The following HGF variants were observed in gnomAD, a reference collection of about 807,000 sequenced individuals.
HGF encodes the protein fibroblast-derived tumor cytotoxic factor.
A neutral mutation model predicts 111.6 loss-of-function variants in HGF; 39 were observed. The observed-to-expected ratio is 0.35, with a 90% CI of 0.27 to 0.46. The LOEUF is 0.46. Among genes scored for constraint, HGF ranks in the 20% least tolerant of loss-of-function variants. The probability of loss-of-function intolerance (pLI) is 1.00; values close to 1 mark genes in which losing one functional copy is unlikely to be tolerated. For missense variants in HGF, 735 were observed against 910.5 expected, an observed-to-expected ratio of 0.81 and a Z score of 2.48; for synonymous variants, 285 against 294.8, an observed-to-expected ratio of 0.97 and a Z score of 0.34.
rs968111789 is a variant in HGF, at chr7:81,699,031, A to T, written c.*3550T>A. ...AGCATTTTGATAAAATATTTTATTA[A>T]TAATAATAATATAATCATGGTTATA... On this transcript the variant is annotated 3_prime_UTR_variant, in exon 18 of 18. Coordinates refer to ENST00000222390, the MANE Select transcript of HGF (RefSeq NM_000601.6). The T allele has an allele frequency of 6.6e-6, 1 of 151,336 alleles. No individual in the cohort carries two copies. The highest frequency in any genetic ancestry group is 1.5e-5 in the Non-Finnish European group (1 of 67,570). The allele number at this position is 151,336 out of a possible 1,614,324, so 9.4% of individuals were successfully genotyped here.
chr7:81,702,857 A>G (rs1789319910), intron 17 of HGF, 100 bp from the exon 18 acceptor site: 3 of 955,216 alleles, frequency 3.1e-6, no homozygotes, highest in Non-Finnish European at 4.9e-6. Flanking sequence ...TATATACAGA[A>G]AAAGAGAATA....
At chr7:81,763,832 T>G (rs1413174420) in intron 1 of HGF, among the ~76,000 whole-genome samples, 1 of 152,104 alleles carries the variant, frequency 6.6e-6, no homozygotes, top group Non-Finnish European at 1.5e-5. Context: ...CCAAAGGCAG[T>G]AAGGATACAT....
At chr7:81,744,248 C>CT (rs5745669) in intron 6 of HGF, among the ~76,000 whole-genome samples, 3 of 150,496 alleles carry the variant, frequency 2.0e-5, no homozygotes, top group East Asian at 3.9e-4. Flanking sequence ...GAACTTCTTC[C>CT]TTTTTTTTCC....
chr7:81,711,501 G>A lies in HGF; in HGVS notation c.1424C>T (p.Pro475Leu). 6.9e-7 allele frequency: 1 copy of A among 1,450,308 alleles called. No homozygotes were observed. Among genetic ancestry groups the A allele is most frequent in the Non-Finnish European group, 9.6e-7 (1 of 1,041,578 alleles). The allele number at this position is 1,450,308 out of a possible 1,614,324, so 89.8% of individuals were successfully genotyped here. Residue 475 changes from proline to leucine, a missense_variant, in exon 12 of 18, where the codon CCT (proline) becomes CTT (leucine). By Grantham distance (98) the Pro-to-Leu change is moderately conservative. Transcript: ENST00000222390. ...CTTACGGTCTAAATTGACTATTGTA[G>A]GTGTGGTATCACCTTCACCTGTAAA... ...PISRCEGDTTPTIVNLDHPVI... is the reference protein window; with the variant it reads ...PISRCEGDTTLTIVNLDHPVI...
Position 81,706,359 on chromosome 7 carries a change from T to C in HGF, c.1685A>G (p.Lys562Arg), listed in dbSNP as rs559990458. Reference sequence around the variant, plus strand: ...CAGCTGGGAAACATTGAGAACCTGTTTGCATTTCTCATCTCCTCTTCCGTG... The same window carrying C: ...CAGCTGGGAAACATTGAGAACCTGTCTGCATTTCTCATCTCCTCTTCCGTG... ...DVHGRGDEKC[K>R]QVLNVSQLVY... Residue 562 changes from lysine (K) to arginine (R), a missense_variant, in exon 15 of 18, where the codon AAA becomes AGA. Transcript: ENST00000222390. 3 of 1,610,580 alleles carry C rather than the reference T, an allele frequency of 1.9e-6. No individual in the cohort carries two copies. The highest frequency in any genetic ancestry group is 1.3e-5 in the African/African-American group (1 of 74,934).
Position 81,706,328 on chromosome 7 carries a change from A to G in HGF, c.1716T>C (p.Tyr572=), listed in dbSNP as rs1225993562. 3 of 1,612,734 alleles carry G rather than the reference A, an allele frequency of 1.9e-6. No homozygotes were observed. Among genetic ancestry groups the G allele is most frequent in the Non-Finnish European group, 2.5e-6 (3 of 1,179,136 alleles). The change falls in exon 15 of 18, where the codon TAT becomes TAC. Residue 572 remains tyrosine, a synonymous_variant. Transcript: ENST00000222390. The stretch of plus-strand genomic sequence containing the variant: ...AAACCAGATCTGATCCTTCAGGGCC[A>G]TATACCAGCTGGGAAACATTGAGAA... The part of the protein sequence containing the change: ...KQVLNVSQLV[Y]GPEGSDLVLM...
In HGF at chr7:81,702,489, T is replaced by G. The variant is rs1171721010; in HGVS notation, c.*92A>C. On this transcript the variant is annotated 3_prime_UTR_variant, in exon 18 of 18. Coordinates refer to ENST00000222390, the MANE Select transcript of HGF (RefSeq NM_000601.6). Reference sequence around the variant, plus strand: ...GACTCTCCAGTAGTTGTCTTAGGATTGTTGTAAGTGACATTTTAAATTCCA... The same window carrying G: ...GACTCTCCAGTAGTTGTCTTAGGATGGTTGTAAGTGACATTTTAAATTCCA... The G allele has an allele frequency of 5.9e-6, 6 of 1,024,498 alleles. No homozygotes were observed. Among genetic ancestry groups the G allele is most frequent in the Non-Finnish European group, 9.2e-6 (6 of 654,474 alleles). The allele number at this position is 1,024,498 out of a possible 1,614,324, so 63.5% of individuals were successfully genotyped here. A position where few individuals can be genotyped will look rare whatever the true frequency, so the allele number is the denominator to read the frequency against.
At position 81,743,203 on chromosome 7, in the gene HGF, G is replaced by A. The variant is rs117536010; in HGVS notation, c.865+150C>T. ...AGTCTCCAAAAATGCAAAAGATTGG[G>A]TAGGATTATGTAACACATTCTTAAA... On this transcript the variant is annotated intron_variant, in intron 7 of 17. Coordinates refer to ENST00000222390, the MANE Select transcript of HGF (RefSeq NM_000601.6). 1,082 of 722,392 alleles carry A rather than the reference G, an allele frequency of 1.5e-3. 2 individuals are homozygous for A. Among genetic ancestry groups the A allele is most frequent in the Non-Finnish European group, 2.3e-3 (909 of 399,254 alleles). 44.7% of individuals were successfully genotyped at this position (722,392 alleles called of 1,614,324 possible).
Position 81,706,434 on chromosome 7 carries a change from T to G in HGF, c.1617-7A>C. ...TTCATAATCTTTCAAGTCTCTGTTT[T>G]GAAGGAAAAAAATTTAAATGTAAAA... On this transcript the variant is annotated splice_region_variant and splice_polypyrimidine_tract_variant and intron_variant, in intron 14 of 17. Coordinates refer to ENST00000222390, the MANE Select transcript of HGF (RefSeq NM_000601.6). The G allele has an allele frequency of 6.2e-7, 1 of 1,608,096 alleles. No homozygotes were observed. Among genetic ancestry groups the G allele is most frequent in the Non-Finnish European group, 8.5e-7 (1 of 1,174,966 alleles).
chr7:81,705,302 T>C (rs2115757542), intron 17 of HGF, 88 bp downstream of exon 17: 1 of 1,331,464 alleles, frequency 7.5e-7, no homozygotes, highest in East Asian at 2.3e-5. Flanking sequence ...TACAATATTT[T>C]TGATTTGAGA....
At chr7:81,718,998 A>G (rs1789785366) in intron 10 of HGF, among the ~76,000 whole-genome samples, 1 of 152,168 alleles carries the variant, frequency 6.6e-6, no homozygotes, top group Admixed American at 6.6e-5. Flanking sequence ...CTCAGGATAA[A>G]ATTTAGATTT....
chr7:81,735,389 T>C (rs1787792974), intron 7 of HGF, among the ~76,000 whole-genome samples: 1 of 152,056 alleles, frequency 6.6e-6, no homozygotes, highest in Non-Finnish European at 1.5e-5. Context: ...ATTTTTCCCT[T>C]GAAAAAGGGT....
chr7:81,745,754 A>T (rs1269238855), intron 5 of HGF, among the ~76,000 whole-genome samples: 3 of 152,248 alleles, frequency 2.0e-5, no homozygotes, highest in Non-Finnish European at 4.4e-5. Flanking sequence ...AGGATAGAAG[A>T]TGACCTGCTA....
chr7:81,713,259 G>A (rs547539688), intron 11 of HGF, among the ~76,000 whole-genome samples: 2 of 151,960 alleles, frequency 1.3e-5, no homozygotes, highest in Non-Finnish European at 1.5e-5. Flanking sequence ...GTGGTGGCTC[G>A]TGCCTGCCTG....
At chr7:81,738,313 TCAGAATATGAAGTTATAATCAGAG>T (rs1474391833) in intron 7 of HGF, among the ~76,000 whole-genome samples, 3 of 152,122 alleles carry the variant, frequency 2.0e-5, no homozygotes, top group Non-Finnish European at 4.4e-5. Context: ...CAACTGTTAT[TCAGAATATGAAGTTATAATCAGAG>T]AAAAACATAA....
chr7:81,752,608 G>A (rs1444458269), intron 4 of HGF, among the ~76,000 whole-genome samples: 1 of 152,098 alleles, frequency 6.6e-6, no homozygotes, highest in Admixed American at 6.6e-5. Context: ...ACTTAGGACA[G>A]AACTGAGAAA....
intron 9 of HGF, among the ~76,000 whole-genome samples, chr7:81,721,603 C>G (rs1467941263): frequency 6.6e-6 from 1 of 152,174 alleles, no homozygotes; most frequent in Non-Finnish European, 1.5e-5. Flanking sequence ...CCCAAGTCAG[C>G]TGTTTTACAA....
chr7:81,751,332 A>G (rs1788487707), intron 5 of HGF: 1 of 984,954 alleles, frequency 1.0e-6, no homozygotes, highest in Non-Finnish European at 1.2e-6. Context: ...GAACTGAAAA[A>G]TCCGGCTATT....
intron 1 of HGF, among the ~76,000 whole-genome samples, chr7:81,763,606 A>G (rs1789209474): frequency 6.6e-6 from 1 of 152,180 alleles, no homozygotes; most frequent in Admixed American, 6.5e-5. Context: ...GAAAAACAGA[A>G]CTAAAACATT....
Sources: gnomAD v4.1 joint callset for allele counts (sites outside exome capture counted in the v4.1 genomes callset) on GRCh38, gnomAD v4.1.1 for gene constraint, MANE v1.5 for transcripts, NCBI Gene and HGNC (gene_info 2026-07-23, HGNC 2026-07-21) for gene names.